The following MID1 variants were observed in gnomAD, a reference collection of about 807,000 sequenced individuals.
MID1 encodes midline 1, also known as E3 ubiquitin-protein ligase Midline-1.
Under a neutral mutation model 40.4 loss-of-function variants are expected in MID1, and 7 were observed. The observed-to-expected ratio is 0.17, with a 90% CI of 0.10 to 0.33. The LOEUF is 0.33. MID1 is among the 10% of genes least tolerant of loss of function. The pLI is 1.00. For missense variants in MID1, 367 were observed against 558.5 expected, an observed-to-expected ratio of 0.66 and a Z score of 3.46; for synonymous variants, 229 against 221.2, an observed-to-expected ratio of 1.04 and a Z score of -0.31.
At chrX:10,764,980 T>A (rs932338183) in intron 1 of MID1, among the ~76,000 whole-genome samples, 28 of 112,227 alleles carry the variant, frequency 2.5e-4, no homozygotes, top group African/African-American at 9.1e-4. Context: ...ACACCATTTT[T>A]ATTTAGCCCT....
intron 1 of MID1, among the ~76,000 whole-genome samples, chrX:10,755,978 C>A (rs1285622735): frequency 2.7e-5 from 3 of 112,200 alleles, no homozygotes; most frequent in Non-Finnish European, 5.6e-5. Flanking sequence ...AGAAAAGAAG[C>A]TGCACTTTGC....
intron 1 of MID1, among the ~76,000 whole-genome samples, chrX:10,719,326 G>A (rs1205001230): frequency 1.8e-5 from 2 of 111,557 alleles, no homozygotes; most frequent in African/African-American, 3.3e-5. Context: ...ATCTCCTTAA[G>A]CTGATAAGCA....
chrX:10,614,631 G>A (rs774182940), intron 1 of MID1, among the ~76,000 whole-genome samples: 1 of 111,963 alleles, frequency 8.9e-6, no homozygotes, highest in Non-Finnish European at 1.9e-5. Context: ...TTTGGAGGTG[G>A]GGAAGGGAAG....
At chrX:10,750,118 C>G (rs137911435) in intron 1 of MID1, among the ~76,000 whole-genome samples, 1 of 111,105 alleles carries the variant, frequency 9.0e-6, no homozygotes, top group Non-Finnish European at 1.9e-5. Flanking sequence ...GCCCAAGAAC[C>G]TCCATTTTTT....
intron 1 of MID1, among the ~76,000 whole-genome samples, chrX:10,642,585 T>G (rs1936212526): frequency 9.1e-6 from 1 of 110,487 alleles, no homozygotes; most frequent in African/African-American, 3.4e-5. Context: ...ATGGCCGTAC[T>G]ACCCAAGGTA....
At chrX:10,450,537 C>T (rs1928268694) in intron 9 of MID1, among the ~76,000 whole-genome samples, 1 of 112,303 alleles carries the variant, frequency 8.9e-6, no homozygotes, top group Non-Finnish European at 1.9e-5. Flanking sequence ...TGCCTGATGG[C>T]ACATATTAAC....
rs1024938448 is a variant in MID1, at chrX:10,496,607, A to G, written c.757-916T>C. Among the ~76,000 whole-genome samples, 5 of 112,686 alleles carry G rather than the reference A, an allele frequency of 4.4e-5. No homozygotes were observed. In the Admixed American group the frequency reaches 4.7e-4, roughly 11 times the overall value. On this transcript the variant is annotated intron_variant, in intron 3 of 9. Coordinates refer to ENST00000317552, the MANE Select transcript of MID1 (RefSeq NM_000381.4). Reference sequence around the variant, plus strand: ...CAATGTTACAAAGAATGACAATGGCATTGATTATTCTAGCATATCTCAGGG... The same window carrying G: ...CAATGTTACAAAGAATGACAATGGCGTTGATTATTCTAGCATATCTCAGGG...
At chrX:10,608,020 C>T (rs1935657979) in intron 1 of MID1, among the ~76,000 whole-genome samples, 1 of 112,494 alleles carries the variant, frequency 8.9e-6, no homozygotes, top group Non-Finnish European at 1.9e-5. Context: ...TATGAAGTAT[C>T]TTCTGCACTT....
At chrX:10,559,944 G>T (rs545455833) in intron 2 of MID1, among the ~76,000 whole-genome samples, 19 of 107,639 alleles carry the variant, frequency 1.8e-4, no homozygotes, top group African/African-American at 6.1e-4. Flanking sequence ...GCATAGTGGT[G>T]TAATCACTGC....
At chrX:10,805,431 T>C (rs1437875027) in intron 1 of MID1, among the ~76,000 whole-genome samples, 1 of 108,120 alleles carries the variant, frequency 9.2e-6, no homozygotes, top group Non-Finnish European at 1.9e-5. Context: ...TAGTATTCCA[T>C]GGTGTATATG....
chrX:10,734,561 A>G (rs1212533713), intron 1 of MID1, among the ~76,000 whole-genome samples: 1 of 111,305 alleles, frequency 9.0e-6, no homozygotes, highest in Non-Finnish European at 1.9e-5. Context: ...TAAAAAAAAA[A>G]AAAGGTGAAT....
chrX:10,596,230 T>C (rs1935408466), intron 1 of MID1, among the ~76,000 whole-genome samples: 1 of 111,490 alleles, frequency 9.0e-6, no homozygotes, highest in South Asian at 3.8e-4. Context: ...TGGATCATAT[T>C]GGCAAGGGGG....
intron 2 of MID1, among the ~76,000 whole-genome samples, chrX:10,549,217 C>G (rs891072940): frequency 2.7e-5 from 3 of 112,723 alleles, no homozygotes; most frequent in Non-Finnish European, 5.6e-5. Flanking sequence ...ACTATGAGTA[C>G]CTATGCTAAG....
intron 1 of MID1, among the ~76,000 whole-genome samples, chrX:10,733,063 C>T (rs890638887): frequency 8.2e-5 from 9 of 110,207 alleles, no homozygotes; most frequent in African/African-American, 2.6e-4. Context: ...GGGGTTTCAC[C>T]GTGTTAGCCA....
chrX:10,564,994 A>AAAAG (rs371729901), intron 2 of MID1, among the ~76,000 whole-genome samples: 14 of 34,692 alleles, frequency 4.0e-4, no homozygotes, highest in African/African-American at 1.5e-3. Context: ...CACCAACCAA[A>AAAAG]AAAGGGGTAA....
At chrX:10,584,519 T>C (rs907117331) in intron 1 of MID1, among the ~76,000 whole-genome samples, 14 of 111,290 alleles carry the variant, frequency 1.3e-4, no homozygotes, top group African/African-American at 4.6e-4. Flanking sequence ...AGGAAGGAAA[T>C]GAGGGAAGAG....
At chrX:10,497,466 A>AG (rs1472151113) in intron 3 of MID1, among the ~76,000 whole-genome samples, 3 of 111,745 alleles carry the variant, frequency 2.7e-5, no homozygotes, top group Middle Eastern at 9.2e-3. Flanking sequence ...CATGCCCCAG[A>AG]GGATGTCTGA....
chrX:10,593,299 A>G (rs1466602815), intron 1 of MID1, among the ~76,000 whole-genome samples: 1 of 112,216 alleles, frequency 8.9e-6, no homozygotes, highest in East Asian at 2.8e-4. Context: ...AAGACTATGG[A>G]ATACTTTGAG....
chrX:10,743,181 G>A (rs1305888067), intron 1 of MID1, among the ~76,000 whole-genome samples: 1 of 112,303 alleles, frequency 8.9e-6, no homozygotes, highest in Non-Finnish European at 1.9e-5. Context: ...GCTGATTCTT[G>A]GGCTGGGTGG....
Sources: allele counts gnomAD v4.1 joint callset (sites outside exome capture counted in the v4.1 genomes callset), GRCh38; gene constraint gnomAD v4.1.1; transcripts MANE v1.5; gene names NCBI Gene and HGNC (gene_info 2026-07-23, HGNC 2026-07-21).